KIT: variants seen among roughly 807,000 people sequenced by gnomAD.
KIT encodes the protein mast/stem cell growth factor receptor Kit.
In KIT, 16 loss-of-function variants were observed where a neutral mutation model predicts 105.7. The observed-to-expected ratio is 0.15, with a 90% confidence interval of 0.10 to 0.23. The LOEUF (loss-of-function observed/expected upper bound fraction) is 0.23, where lower values mean the gene tolerates loss of function less well. KIT is among the 10% of genes least tolerant of loss of function. KIT has a pLI of 1.00. For missense variants in KIT, 858 were observed against 1,213.8 expected (o/e 0.71, Z 4.36); for synonymous variants, 438 against 441.1 (o/e 0.99, Z 0.09).
chr4:54,737,372 C>T (rs1253393450), intron 20 of KIT, 92 bp downstream of exon 20: 2 of 849,110 alleles, frequency 2.4e-6, no homozygotes, highest in African/African-American at 3.3e-5. Context: ...ACTAACCTCC[C>T]AACCCCTTCT....
intron 1 of KIT, among the ~76,000 whole-genome samples, chr4:54,682,422 T>A (rs1428228713): frequency 2.6e-5 from 4 of 152,032 alleles, no homozygotes; most frequent in Non-Finnish European, 4.4e-5. Context: ...AAGAGATTTC[T>A]TTGTCTTTTT....
intron 7 of KIT, among the ~76,000 whole-genome samples, chr4:54,714,927 T>A (rs1285322283): frequency 1.3e-5 from 2 of 152,204 alleles, no homozygotes; most frequent in African/African-American, 2.4e-5. Context: ...TGAGCTAGAT[T>A]GGAAGCCCAA....
Position 54,695,582 on chromosome 4 carries a change from A to G in KIT, c.138A>G (p.Leu46=). ...PPSIHPGKSD[L]IVRVGDEIRL... ...CCATCCATCCAGGAAAATCAGACTT[A>G]ATAGTCCGCGTGGGCGACGAGATTA... Residue 46 remains leucine, a synonymous_variant, in exon 2 of 21, where the codon TTA becomes TTG. Transcript: ENST00000288135. The G allele has an allele frequency of 6.2e-7, 1 of 1,614,220 alleles. No individual in the cohort carries two copies. Among genetic ancestry groups the G allele is most frequent in the Non-Finnish European group, 8.5e-7 (1 of 1,180,038 alleles).
chr4:54,668,283 G>A (rs906799328), intron 1 of KIT, among the ~76,000 whole-genome samples: 3 of 152,180 alleles, frequency 2.0e-5, no homozygotes, highest in Non-Finnish European at 2.9e-5. Flanking sequence ...AGGAAGAGGC[G>A]TGTCTGATAG....
intron 17 of KIT, among the ~76,000 whole-genome samples, chr4:54,735,137 C>T (rs920161832): frequency 2.6e-5 from 4 of 151,992 alleles, no homozygotes; most frequent in Admixed American, 1.3e-4. Flanking sequence ...GATACTACTG[C>T]GTTTTATCAC....
chr4:54,668,668 C>T (rs1717880166), intron 1 of KIT, among the ~76,000 whole-genome samples: 1 of 152,172 alleles, frequency 6.6e-6, no homozygotes, highest in Non-Finnish European at 1.5e-5. Flanking sequence ...CAATTGGCTT[C>T]TGGGGAAAAT....
chr4:54,683,097 C>T lies in KIT; in HGVS notation c.68-12415C>T, dbSNP rs376649254. On this transcript the variant is annotated intron_variant, in intron 1 of 20. Coordinates refer to ENST00000288135, the MANE Select transcript of KIT (RefSeq NM_000222.3). ...GCCTATGTGTTTAATTCCAAACATA[C>T]AATGTAGGATGATTAAATCAGGATA... Among the ~76,000 whole-genome samples the T allele has an allele frequency of 5.3e-5, 8 of 152,098 alleles. No individual in the cohort carries two copies. In the East Asian group the frequency reaches 7.7e-4, roughly 15 times the overall value.
At chr4:54,722,943 G>C (rs1721989113) in intron 7 of KIT, among the ~76,000 whole-genome samples, 1 of 146,894 alleles carries the variant, frequency 6.8e-6, no homozygotes, top group Non-Finnish European at 1.5e-5. Context: ...TCTTAGGCTG[G>C]TTTTCTTTTC....
chr4:54,675,992 G>A (rs750258495), intron 1 of KIT, among the ~76,000 whole-genome samples: 5 of 152,182 alleles, frequency 3.3e-5, no homozygotes, highest in Non-Finnish European at 5.9e-5. Context: ...GTGCCCGACT[G>A]GCTGCCAAAG....
intron 7 of KIT, among the ~76,000 whole-genome samples, chr4:54,720,501 A>C (rs1348288940): frequency 6.6e-6 from 1 of 152,224 alleles, no homozygotes; most frequent in Non-Finnish European, 1.5e-5. Context: ...TGATTATGTA[A>C]TTTTGAGCTG....
At chr4:54,658,105 C>T (rs1278096843) in intron 1 of KIT, 24 bp downstream of exon 1, 1 of 1,610,546 alleles carries the variant, frequency 6.2e-7, no homozygotes. Context: ...GCTGGCACCC[C>T]GACCGTGCGA....
chr4:54,727,976 G>T (rs778097059), intron 12 of KIT, 35 bp from the exon 13 acceptor site: 2 of 1,612,420 alleles, frequency 1.2e-6, no homozygotes, highest in Admixed American at 1.7e-5. Flanking sequence ...TTTGCCAGTT[G>T]TGCTTTTTGC....
At chr4:54,710,575 C>G (rs1293194085) in intron 7 of KIT, among the ~76,000 whole-genome samples, 2 of 141,214 alleles carry the variant, frequency 1.4e-5, no homozygotes, top group African/African-American at 2.7e-5. Flanking sequence ...GACAGAGTCT[C>G]TCACTCTCTC....
intron 1 of KIT, among the ~76,000 whole-genome samples, chr4:54,676,799 A>G (rs1686808261): frequency 6.6e-6 from 1 of 152,004 alleles, no homozygotes; most frequent in African/African-American, 2.4e-5. Context: ...CTGCACCCCC[A>G]AAGGTGTCCA....
intron 1 of KIT, among the ~76,000 whole-genome samples, chr4:54,683,047 C>T (rs187494181): frequency 1.3e-5 from 2 of 150,914 alleles, no homozygotes; most frequent in East Asian, 1.9e-4. Flanking sequence ...CTACTGTGCC[C>T]GGCCTGTCTT....
intron 1 of KIT, among the ~76,000 whole-genome samples, chr4:54,682,757 T>G (rs115544475): frequency 0.16 from 24,591 of 150,636 alleles, 3,954 homozygotes; most frequent in African/African-American, 0.42. Context: ...ACCGTTTTTT[T>G]TTTTTTTTTT....
At position 54,739,985 on chromosome 4, in the gene KIT, T is replaced by C. The variant is rs537228504; in HGVS notation, c.*1428T>C. On this transcript the variant is annotated 3_prime_UTR_variant, in exon 21 of 21. Transcript: ENST00000288135. ...AACATTTAAATTTTACCCTTTAGACTGTAGCCTGGATATTATTCTTGTAGT... is the reference window on the plus strand; with the variant it reads ...AACATTTAAATTTTACCCTTTAGACCGTAGCCTGGATATTATTCTTGTAGT... 7 of 233,460 alleles carry C rather than the reference T, an allele frequency of 3.0e-5. No homozygotes were observed. The highest frequency in any genetic ancestry group is 5.6e-5 in the Admixed American group (1 of 17,784). The allele number at this position is 233,460 out of a possible 1,614,324, so 14.5% of individuals were successfully genotyped here.
intron 1 of KIT, among the ~76,000 whole-genome samples, chr4:54,679,947 G>A (rs1034012829): frequency 2.0e-5 from 3 of 152,140 alleles, no homozygotes; most frequent in African/African-American, 7.2e-5. Context: ...ACTTATATGA[G>A]GTACCTAGAA....
rs371353189 is a variant in KIT, at chr4:54,695,674, A to G, written c.230A>G (p.Asn77Ser). Residue 77 changes from asparagine to serine, a missense_variant, in exon 2 of 21, where the codon AAT (asparagine) becomes AGT (serine). By Grantham distance (46) the Asn-to-Ser change is conservative (BLOSUM62 1). Coordinates refer to ENST00000288135, the MANE Select transcript of KIT (RefSeq NM_000222.3). ...GAGATCCTGGATGAAACGAATGAGA[A>G]TAAGCAGAATGAATGGATCACGGAA... ...TFEILDETNE[N>S]KQNEWITEKA... is the part of the protein sequence containing the mutation. The G allele has an allele frequency of 1.2e-5, 19 of 1,614,136 alleles. No homozygotes were observed. The African/African-American group carries it at 2.4e-4, about 20-fold the overall frequency.
Sources: gnomAD v4.1 joint callset for allele counts (sites outside exome capture counted in the v4.1 genomes callset) on GRCh38, gnomAD v4.1.1 for gene constraint, MANE v1.5 for transcripts, NCBI Gene and HGNC (gene_info 2026-07-23, HGNC 2026-07-21) for gene names.